CADPS: variants seen among roughly 807,000 people sequenced by gnomAD.
CADPS encodes calcium dependent secretion activator.
In CADPS, 57 loss-of-function variants were observed where a neutral mutation model predicts 167.3. The observed-to-expected ratio is 0.34, with a 90% confidence interval of 0.28 to 0.42. The LOEUF (loss-of-function observed/expected upper bound fraction) is 0.42, where lower values mean the gene tolerates loss of function less well. CADPS is among the 20% of genes least tolerant of loss of function. The pLI, the probability that CADPS is intolerant of heterozygous loss-of-function variation, is 1.00. For missense variants in CADPS, 1,414 were observed against 1,738.1 expected (o/e 0.81, Z 3.32); for synonymous variants, 676 against 635.3 (o/e 1.06, Z -0.96).
chr3:62,471,441 C>A (rs1486026131), intron 24 of CADPS, among the ~76,000 whole-genome samples: 1 of 152,086 alleles, frequency 6.6e-6, no homozygotes, highest in African/African-American at 2.4e-5. Flanking sequence ...TGAGAAATGG[C>A]TCCATACCTT....
At chr3:62,731,805 C>CA (rs1212456893) in intron 3 of CADPS, among the ~76,000 whole-genome samples, 1,621 of 27,000 alleles carry the variant, frequency 0.06, 83 homozygotes, top group East Asian at 0.098. Context: ...TGATCATATG[C>CA]AAAAAAAAAA....
chr3:62,748,435 T>A (rs1279032456), intron 3 of CADPS, among the ~76,000 whole-genome samples: 1 of 149,034 alleles, frequency 6.7e-6, no homozygotes, highest in Non-Finnish European at 1.5e-5. Flanking sequence ...AGGGAAAATA[T>A]CCGCACAGTT....
At chr3:62,477,318 T>G (rs1428483666) in intron 23 of CADPS, among the ~76,000 whole-genome samples, 1 of 151,624 alleles carries the variant, frequency 6.6e-6, no homozygotes, top group Non-Finnish European at 1.5e-5. Flanking sequence ...ATCTGGGTTT[T>G]TTTTTTTTTT....
intron 7 of CADPS, 22 bp downstream of exon 7, chr3:62,592,615 C>T (rs1464737713): frequency 6.3e-7 from 1 of 1,575,848 alleles, no homozygotes; most frequent in Admixed American, 1.7e-5. Context: ...GTGGAGTTCC[C>T]CTTGTGATAA....
intron 1 of CADPS, among the ~76,000 whole-genome samples, chr3:62,781,730 G>A (rs1009896486): frequency 3.3e-5 from 5 of 152,168 alleles, no homozygotes; most frequent in South Asian, 2.1e-4. Flanking sequence ...ATGGAAGCCA[G>A]TACTCAAAGC....
chr3:62,794,792 A>AAG (rs1468958766), intron 1 of CADPS, among the ~76,000 whole-genome samples: 24 of 147,526 alleles, frequency 1.6e-4, no homozygotes, highest in African/African-American at 5.9e-4. Context: ...AAAAAAAAAA[A>AAG]AAAAAAAAAA....
intron 26 of CADPS, among the ~76,000 whole-genome samples, chr3:62,463,338 A>C (rs1307064985): frequency 6.6e-6 from 1 of 152,166 alleles, no homozygotes; most frequent in Non-Finnish European, 1.5e-5. Context: ...GTTCAAGTCC[A>C]ATGCAACAAA....
At chr3:62,605,250 CAAA>C (rs34366222) in intron 6 of CADPS, among the ~76,000 whole-genome samples, 1 of 43,026 alleles carries the variant, frequency 2.3e-5, no homozygotes, top group Non-Finnish European at 4.7e-5. Context: ...AGGGGAAAAA[CAAA>C]AAAAAAAAAA....
chr3:62,668,676 C>T (rs937325692), intron 3 of CADPS, among the ~76,000 whole-genome samples: 2 of 152,106 alleles, frequency 1.3e-5, no homozygotes, highest in Non-Finnish European at 2.9e-5. Flanking sequence ...TGGTGTTTGC[C>T]TACTAGGCTG....
chr3:62,765,606 T>C (rs1481170541), intron 2 of CADPS, among the ~76,000 whole-genome samples: 4 of 152,212 alleles, frequency 2.6e-5, no homozygotes, highest in Non-Finnish European at 4.4e-5. Flanking sequence ...TCAGACCTAA[T>C]TCATAAGACT....
chr3:62,432,050 C>A (rs2054085899), intron 28 of CADPS, among the ~76,000 whole-genome samples: 1 of 151,966 alleles, frequency 6.6e-6, no homozygotes. Context: ...TCTCTGCCCC[C>A]ACCCCCCAAA....
chr3:62,722,680 C>A (rs1292787727), intron 3 of CADPS, among the ~76,000 whole-genome samples: 2 of 152,216 alleles, frequency 1.3e-5, no homozygotes, highest in East Asian at 3.9e-4. Flanking sequence ...AAAAGTATGA[C>A]CCAATAGTTT....
chr3:62,765,219 C>T (rs1022711741), intron 2 of CADPS, among the ~76,000 whole-genome samples: 2 of 152,050 alleles, frequency 1.3e-5, no homozygotes, highest in Non-Finnish European at 2.9e-5. Context: ...GAACACTTAA[C>T]AAAATTTAAA....
intron 3 of CADPS, among the ~76,000 whole-genome samples, chr3:62,747,288 A>G (rs1244434000): frequency 6.6e-6 from 1 of 152,264 alleles, no homozygotes; most frequent in African/African-American, 2.4e-5. Flanking sequence ...TTGTTGTTAC[A>G]GGATCAAGAA....
At chr3:62,586,951 T>G (rs2084780423) in intron 7 of CADPS, among the ~76,000 whole-genome samples, 1 of 152,234 alleles carries the variant, frequency 6.6e-6, no homozygotes, top group Admixed American at 6.5e-5. Context: ...GTACCACATA[T>G]ATTTAGGGCA....
chr3:62,537,741 T>C (rs1317970212), intron 11 of CADPS, among the ~76,000 whole-genome samples: 1 of 152,094 alleles, frequency 6.6e-6, no homozygotes, highest in African/African-American at 2.4e-5. Context: ...GCTTTTTTTT[T>C]TTCCTCTCCC....
chr3:62,730,286 G>A (rs1002389569), intron 3 of CADPS, among the ~76,000 whole-genome samples: 1 of 152,086 alleles, frequency 6.6e-6, no homozygotes, highest in Non-Finnish European at 1.5e-5. Flanking sequence ...CAATGCCTGG[G>A]GACATTTTGG....
chr3:62,841,671 A>G (rs777436466), intron 1 of CADPS, among the ~76,000 whole-genome samples: 3 of 152,214 alleles, frequency 2.0e-5, no homozygotes, highest in Admixed American at 1.3e-4. Context: ...ACTGCACTTC[A>G]GCCTGGGTGA....
intron 3 of CADPS, among the ~76,000 whole-genome samples, chr3:62,752,605 T>A (rs2082942505): frequency 1.3e-5 from 2 of 152,168 alleles, no homozygotes; most frequent in South Asian, 2.1e-4. Flanking sequence ...CAAAGATGAA[T>A]CTCTCTGATA....
Sources: gnomAD v4.1 joint callset for allele counts (sites outside exome capture counted in the v4.1 genomes callset) on GRCh38, gnomAD v4.1.1 for gene constraint, MANE v1.5 for transcripts, NCBI Gene and HGNC (gene_info 2026-07-23, HGNC 2026-07-21) for gene names.